SFXN5: variants seen among roughly 807,000 people sequenced by gnomAD.
SFXN5 encodes sideroflexin-5.
In SFXN5, 43 loss-of-function variants were observed where a neutral mutation model predicts 50.2. That is an observed-to-expected ratio of 0.86 (90% confidence interval 0.67 to 1.11). The LOEUF is 1.11. Ranked by LOEUF, SFXN5 falls within the 50% of genes least tolerant of loss-of-function variation. The probability of loss-of-function intolerance (pLI) is 0.00; values close to 1 mark genes in which losing one functional copy is unlikely to be tolerated. For synonymous variants in SFXN5, 203 were observed against 185.8 expected, an observed-to-expected ratio of 1.09 and a Z score of -0.75; for missense variants, 463 against 454.1, an observed-to-expected ratio of 1.02 and a Z score of -0.18.
intron 2 of SFXN5, among the ~76,000 whole-genome samples, chr2:73,054,561 C>T (rs1187766173): frequency 6.6e-6 from 1 of 152,134 alleles, no homozygotes; most frequent in Admixed American, 6.6e-5. Context: ...CGGGGACCCT[C>T]CTGGCACAGG....
intron 9 of SFXN5, chr2:72,998,350 G>C (rs117099686): frequency 6.6e-6 from 1 of 152,500 alleles, no homozygotes; most frequent in Admixed American, 6.5e-5. Flanking sequence ...GGGAAGCAGG[G>C]AGCCACACCT....
At chr2:73,063,511 ACTCAGGGT>A (rs1245142893) in intron 1 of SFXN5, among the ~76,000 whole-genome samples, 1 of 152,194 alleles carries the variant, frequency 6.6e-6, no homozygotes, top group Non-Finnish European at 1.5e-5. Context: ...TGGACCAACC[ACTCAGGGT>A]CTTGTTTCCT....
At chr2:73,023,712 C>A (rs1447948476) in intron 3 of SFXN5, among the ~76,000 whole-genome samples, 1 of 152,166 alleles carries the variant, frequency 6.6e-6, no homozygotes, top group African/African-American at 2.4e-5. Flanking sequence ...GATAGCCATG[C>A]CTCTGACACA....
At position 72,960,791 on chromosome 2, in the gene SFXN5, C is replaced by T. The variant is rs1046636414; in HGVS notation, c.945+340G>A. On this transcript the variant is annotated intron_variant, in intron 13 of 13. Transcript: ENST00000272433. This position sits in a 1 kb window ranked among gnomAD's most constrained non-coding sequence, Gnocchi z 6.1. ...GGTGTCCGCGGACCTCACATCTCCC[C>T]CCGCCACCCCTTTTCATCTGGCCAA... is the stretch of plus-strand genomic sequence containing the variant. Among the ~76,000 whole-genome samples, 1 of 152,184 alleles carries T rather than the reference C, an allele frequency of 6.6e-6. No homozygotes were observed. Among genetic ancestry groups the T allele is most frequent in the Admixed American group, 6.5e-5 (1 of 15,284 alleles).
chr2:72,945,302 T>C lies in SFXN5; in HGVS notation c.946-203A>G, dbSNP rs1454398603. Among the ~76,000 whole-genome samples, 1 of 152,084 alleles carries C rather than the reference T, an allele frequency of 6.6e-6. No individual in the cohort carries two copies. Among genetic ancestry groups the C allele is most frequent in the Non-Finnish European group, 1.5e-5 (1 of 67,984 alleles). On this transcript the variant is annotated intron_variant, in intron 13 of 13. Transcript: ENST00000272433. This position sits in a 1 kb window ranked among gnomAD's most constrained non-coding sequence, Gnocchi z 5.8. ...CCCGCCGCGGGGCTCACAGCATCCCTTCCAGCCCAGACCAGATCTCTTTCT... is the reference window on the plus strand; with the variant it reads ...CCCGCCGCGGGGCTCACAGCATCCCCTCCAGCCCAGACCAGATCTCTTTCT...
intron 3 of SFXN5, among the ~76,000 whole-genome samples, chr2:73,024,804 G>A (rs916114829): frequency 3.9e-5 from 6 of 152,174 alleles, no homozygotes; most frequent in Admixed American, 1.3e-4. Context: ...TCATGTATAT[G>A]GCAATGTTGG....
intron 6 of SFXN5, among the ~76,000 whole-genome samples, chr2:73,004,826 C>T (rs1307690474): frequency 6.6e-6 from 1 of 152,216 alleles, no homozygotes; most frequent in African/African-American, 2.4e-5. Context: ...AAACGCAGCA[C>T]CATCTGCACA....
chr2:73,064,561 T>C (rs1683042194), intron 1 of SFXN5, among the ~76,000 whole-genome samples: 1 of 152,256 alleles, frequency 6.6e-6, no homozygotes, highest in Non-Finnish European at 1.5e-5. Flanking sequence ...TTTAGAACTT[T>C]ATTTCAAGCA....
At chr2:73,015,443 C>A (rs1676032046) in intron 6 of SFXN5, among the ~76,000 whole-genome samples, 1 of 151,974 alleles carries the variant, frequency 6.6e-6, no homozygotes, top group African/African-American at 2.4e-5. Flanking sequence ...CTCAAAGTGC[C>A]TCATAAATGA....
chr2:73,000,542 C>G, intron 7 of SFXN5, 55 bp from the exon 8 acceptor site: 1 of 1,522,606 alleles, frequency 6.6e-7, no homozygotes, highest in Non-Finnish European at 8.9e-7. Flanking sequence ...CCCTGGAAGC[C>G]AGGCCTGGAC....
chr2:73,069,256 G>C (rs1683399153), intron 1 of SFXN5, among the ~76,000 whole-genome samples: 1 of 152,208 alleles, frequency 6.6e-6, no homozygotes. Flanking sequence ...TGGAAGCAGG[G>C]AGACCTGTTG....
chr2:73,041,941 T>A (rs1679701500), intron 2 of SFXN5, among the ~76,000 whole-genome samples: 1 of 152,178 alleles, frequency 6.6e-6, no homozygotes, highest in Non-Finnish European at 1.5e-5. Context: ...TCAAGCGAGA[T>A]CTGCCTGCCT....
At chr2:73,031,934 A>G (rs1373747536) in intron 3 of SFXN5, among the ~76,000 whole-genome samples, 1 of 152,214 alleles carries the variant, frequency 6.6e-6, no homozygotes, top group African/African-American at 2.4e-5. Context: ...TTCCTGTCCT[A>G]CGGTGTATGA....
chr2:73,040,847 G>GAGTT lies in SFXN5; in HGVS notation c.249+3_249+6dup. On this transcript the variant is annotated splice_region_variant and intron_variant, in intron 3 of 13. Coordinates refer to ENST00000272433, the MANE Select transcript of SFXN5 (RefSeq NM_144579.3). Reference sequence around the variant, plus strand: ...ACTGGCCATGCTCCCACCTCCCACAGAGTTACCTGTTCATTGGTGACCCCC... The same window carrying GAGTT: ...ACTGGCCATGCTCCCACCTCCCACAGAGTTAGTTACCTGTTCATTGGTGACCCCC... The GAGTT allele has an allele frequency of 6.2e-7, 1 of 1,608,036 alleles. No individual in the cohort carries two copies. The highest frequency in any genetic ancestry group is 1.1e-5 in the South Asian group (1 of 89,744).
rs1675241157 is a variant in SFXN5 at position 73,009,664 on chromosome 2, CACAT to C, written c.358-8090_358-8087del. ...GGGCCAGGGCATCCTCTTCTTACACCACATGCGTTTATTCACAGAAGGATGCTTG... is the reference window on the plus strand; with the variant it reads ...GGGCCAGGGCATCCTCTTCTTACACCGCGTTTATTCACAGAAGGATGCTTG... On this transcript the variant is annotated intron_variant, in intron 6 of 13. Transcript: ENST00000272433. Among the ~76,000 whole-genome samples, 3 of 152,214 alleles carry C rather than the reference CACAT, an allele frequency of 2.0e-5. No individual in the cohort carries two copies. In the South Asian group the frequency reaches 6.2e-4, roughly 32 times the overall value.
At chr2:73,056,398 T>C (rs1682131214) in intron 2 of SFXN5, among the ~76,000 whole-genome samples, 1 of 148,128 alleles carries the variant, frequency 6.8e-6, no homozygotes, top group Non-Finnish European at 1.5e-5. Context: ...AAAAAAAGTA[T>C]GTCAAGGCCA....
At chr2:73,037,340 A>G (rs1289379968) in intron 3 of SFXN5, among the ~76,000 whole-genome samples, 3 of 152,102 alleles carry the variant, frequency 2.0e-5, no homozygotes, top group African/African-American at 7.2e-5. Flanking sequence ...CCAGCTTCCT[A>G]CCTGCTCTAT....
chr2:73,069,568 T>C (rs1167380142), intron 1 of SFXN5, among the ~76,000 whole-genome samples: 2 of 152,134 alleles, frequency 1.3e-5, no homozygotes, highest in African/African-American at 4.8e-5. Flanking sequence ...TGCAGGCCAC[T>C]ATGCTGGAGG....
At chr2:73,067,750 T>C (rs1484235272) in intron 1 of SFXN5, among the ~76,000 whole-genome samples, 1 of 152,138 alleles carries the variant, frequency 6.6e-6, no homozygotes, top group Non-Finnish European at 1.5e-5. Context: ...AGCTGGATGA[T>C]GGGTGCATAG....
Sources: allele counts gnomAD v4.1 joint callset (sites outside exome capture counted in the v4.1 genomes callset), GRCh38; gene constraint gnomAD v4.1.1; non-coding constraint Gnocchi (gnomAD v3.1); transcripts MANE v1.5; gene names NCBI Gene and HGNC (gene_info 2026-07-23, HGNC 2026-07-21).